Variants in MUC13 observed in about 807,000 individuals in gnomAD.
MUC13 encodes mucin-13.
In MUC13, 32 loss-of-function variants were observed where a neutral mutation model predicts 48.3. The ratio of observed to expected loss-of-function variants is 0.66; its 90% confidence interval spans 0.50 to 0.89. MUC13 has a LOEUF of 0.89. Ranked by LOEUF, MUC13 falls within the 40% of genes least tolerant of loss-of-function variation. The pLI, the probability that MUC13 is intolerant of heterozygous loss-of-function variation, is 0.00. For synonymous variants in MUC13, 199 were observed against 224.9 expected, an observed-to-expected ratio of 0.88 and a Z score of 1.03; for missense variants, 571 against 622.8, an observed-to-expected ratio of 0.92 and a Z score of 0.88.
intron 5 of MUC13, among the ~76,000 whole-genome samples, chr3:124,918,362 T>G (rs998703739): frequency 2.6e-5 from 4 of 152,234 alleles, no homozygotes; most frequent in Non-Finnish European, 5.9e-5. Flanking sequence ...AGGTGAAGGT[T>G]TGCCTCCAAA....
chr3:124,913,669 C>T lies in MUC13; in HGVS notation c.977G>A (p.Cys326Tyr), dbSNP rs1464269850. 9.3e-6 allele frequency: 15 copies of T among 1,614,074 alleles called. No homozygotes were observed. In the Admixed American group the frequency reaches 2.5e-4, roughly 27 times the overall value. ...NFLNYDLTLR[C>Y]DYYGCNQTAD... ...AGTCTGGTTACAGCCATAATAATCA[C>T]ACCGAAGGGTCACTGAGAAGCACAA... The change falls in exon 7 of 12, where the codon TGT becomes TAT. Residue 326 changes from cysteine to tyrosine, a missense_variant. Transcript: ENST00000616727.
At chr3:124,930,196 T>C (rs1330166518) in intron 1 of MUC13, among the ~76,000 whole-genome samples, 3 of 152,252 alleles carry the variant, frequency 2.0e-5, no homozygotes, top group Non-Finnish European at 4.4e-5. Flanking sequence ...TGCAGGTCTT[T>C]GGAATTATGA....
At chr3:124,907,859 T>C (rs1487151818) in intron 11 of MUC13, among the ~76,000 whole-genome samples, 3 of 151,848 alleles carry the variant, frequency 2.0e-5, no homozygotes, top group African/African-American at 7.3e-5. Flanking sequence ...ATTCATGGAG[T>C]TGGTAATCTA....
chr3:124,927,319 G>C (rs938018376), intron 2 of MUC13, among the ~76,000 whole-genome samples: 1 of 152,124 alleles, frequency 6.6e-6, no homozygotes, highest in Non-Finnish European at 1.5e-5. Flanking sequence ...AGGTAGGATG[G>C]GAGGGAAGGA....
chr3:124,930,858 T>C (rs1276853355), intron 1 of MUC13, among the ~76,000 whole-genome samples: 1 of 152,244 alleles, frequency 6.6e-6, no homozygotes, highest in African/African-American at 2.4e-5. Context: ...AATGCAGTCC[T>C]AGTCTCTCAG....
intron 2 of MUC13, among the ~76,000 whole-genome samples, chr3:124,925,952 A>C (rs1446059144): frequency 4.6e-5 from 7 of 152,178 alleles, no homozygotes; most frequent in African/African-American, 1.7e-4. Context: ...AAAATAGACT[A>C]TATGGGATAA....
intron 1 of MUC13, among the ~76,000 whole-genome samples, chr3:124,932,571 A>T (rs2107675061): frequency 6.6e-6 from 1 of 152,248 alleles, no homozygotes; most frequent in East Asian, 1.9e-4. Flanking sequence ...GGTCTCAAAA[A>T]AAAAAAAAGA....
Position 124,927,544 on chromosome 3 carries a change from G to A in MUC13, c.502C>T (p.Leu168=). Residue 168 remains leucine (L), a synonymous_variant, in exon 2 of 12, where the codon CTA becomes TTA. Coordinates refer to ENST00000616727, the MANE Select transcript of MUC13 (RefSeq NM_033049.4). ...GAATTGTCCTTACCTGTGCTGTTTA[G>A]GGTGCTGGTCTCCAATAAAGCGGTG... ...TGTALLETST[L]NSTGPSNPCQ... The A allele has an allele frequency of 6.2e-7, 1 of 1,614,070 alleles. No homozygotes were observed. Among genetic ancestry groups the A allele is most frequent in the Non-Finnish European group, 8.5e-7 (1 of 1,179,974 alleles).
At chr3:124,915,044 G>A (rs1394891881) in intron 6 of MUC13, among the ~76,000 whole-genome samples, 1 of 152,228 alleles carries the variant, frequency 6.6e-6, no homozygotes, top group African/African-American at 2.4e-5. Flanking sequence ...TGCGGGCCCA[G>A]GAAGAAGGGA....
chr3:124,916,246 T>G, intron 6 of MUC13, 71 bp downstream of exon 6: 1 of 1,170,226 alleles, frequency 8.5e-7, no homozygotes, highest in Non-Finnish European at 1.2e-6. Context: ...TTTTCACATA[T>G]AATGAAAAGG....
intron 5 of MUC13, among the ~76,000 whole-genome samples, chr3:124,919,090 C>T (rs1002486817): frequency 1.3e-5 from 2 of 152,068 alleles, no homozygotes; most frequent in African/African-American, 4.8e-5. Context: ...GTAATCCCAG[C>T]ACTTTGGGAG....
chr3:124,908,573 T>G (rs1282966938), intron 10 of MUC13, among the ~76,000 whole-genome samples: 1 of 152,158 alleles, frequency 6.6e-6, no homozygotes, highest in African/African-American at 2.4e-5. Context: ...CAAAGAACAC[T>G]AACAGTTTTA....
At chr3:124,914,334 T>C (rs546132555) in intron 6 of MUC13, among the ~76,000 whole-genome samples, 1 of 151,218 alleles carries the variant, frequency 6.6e-6, no homozygotes, top group East Asian at 2.0e-4. Flanking sequence ...TGCTTGAACC[T>C]AGGAGGCGGA....
intron 11 of MUC13, among the ~76,000 whole-genome samples, chr3:124,907,000 C>T (rs2034725851): frequency 6.6e-6 from 1 of 152,094 alleles, no homozygotes; most frequent in South Asian, 2.1e-4. Flanking sequence ...CCTAAAGTCT[C>T]TTACAGGCTT....
chr3:124,908,325 A>G lies in MUC13; in HGVS notation c.1361T>C (p.Ile454Thr). The change falls in exon 11 of 12, where the codon ATT (isoleucine) becomes ACT (threonine). Residue 454 changes from isoleucine to threonine, a missense_variant. By Grantham distance (89) the Ile-to-Thr change is moderately conservative. Coordinates refer to ENST00000616727, the MANE Select transcript of MUC13 (RefSeq NM_033049.4). ...TARSNNKTKH[I>T]EEENLIDEDF... ...TTCGTCAATCAAGTTCTCTTCTTCA[A>G]TATGCTTCGTTTTGTTATTTGATCT... 6 of 1,614,168 alleles carry G rather than the reference A, an allele frequency of 3.7e-6. No individual in the cohort carries two copies. The highest frequency in any genetic ancestry group is 2.2e-5 in the East Asian group (1 of 44,884).
chr3:124,918,405 A>G (rs990214898), intron 5 of MUC13, among the ~76,000 whole-genome samples: 7 of 152,204 alleles, frequency 4.6e-5, no homozygotes, highest in African/African-American at 1.7e-4. Flanking sequence ...ACTCCTTAAG[A>G]ATCAAAGGAG....
At chr3:124,932,366 G>C (rs1013969659) in intron 1 of MUC13, among the ~76,000 whole-genome samples, 6 of 152,104 alleles carry the variant, frequency 3.9e-5, no homozygotes, top group Non-Finnish European at 7.4e-5. Flanking sequence ...AAGAGTCTGA[G>C]ACCAGCCTAG....
At chr3:124,934,307 A>T (rs1450021413) in intron 1 of MUC13, among the ~76,000 whole-genome samples, 2 of 152,068 alleles carry the variant, frequency 1.3e-5, no homozygotes, top group Non-Finnish European at 2.9e-5. Flanking sequence ...ACAGGTGCCC[A>T]CCGCCACACC....
Position 124,922,251 on chromosome 3 carries a change from T to C in MUC13, c.690A>G (p.Pro230=). ...GATAGGCCATGGAATGTTTCTCTTC[T>C]GGGTCAAATGTTTCTGATACTGTCA... The part of the protein sequence containing the change: ...ISVTVSETFD[P]EEKHSMAYQD... The change falls in exon 4 of 12, where the codon CCA becomes CCG. Residue 230 remains proline (P), a synonymous_variant. Transcript: ENST00000616727. 6.2e-7 allele frequency: 1 copy of C among 1,614,206 alleles called. No homozygotes were observed. The highest frequency in any genetic ancestry group is 1.1e-5 in the South Asian group (1 of 91,080).
Sources: allele counts gnomAD v4.1 joint callset (sites outside exome capture counted in the v4.1 genomes callset), GRCh38; gene constraint gnomAD v4.1.1; transcripts MANE v1.5; gene names NCBI Gene and HGNC (gene_info 2026-07-23, HGNC 2026-07-21).